The following C7orf78 variants were observed in gnomAD, a reference collection of about 807,000 sequenced individuals.
C7orf78 encodes putative uncharacterized protein C7orf78.
the C7orf78 span, among the ~76,000 whole-genome samples, chr7:12,526,485 T>G: frequency 6.6e-6 from 1 of 152,128 alleles, no homozygotes; most frequent in African/African-American, 2.4e-5. Context: ...ATTTACATAT[T>G]ATAATTATAT....
At chr7:12,530,012 A>ATACTGTCATGACAC in the C7orf78 span, among the ~76,000 whole-genome samples, 1 of 151,898 alleles carries the variant, frequency 6.6e-6, no homozygotes, top group Non-Finnish European at 1.5e-5. Context: ...TGCCACAGCA[A>ATACTGTCATGACAC]TGGTGGGGCT....
chr7:12,539,418 C>T, the C7orf78 span, among the ~76,000 whole-genome samples: 1 of 151,960 alleles, frequency 6.6e-6, no homozygotes, highest in Non-Finnish European at 1.5e-5. Flanking sequence ...GAACCGAGAT[C>T]CCACCACTGC....
At chr7:12,539,920 C>A in the C7orf78 span, among the ~76,000 whole-genome samples, 4 of 152,172 alleles carry the variant, frequency 2.6e-5, no homozygotes, top group Admixed American at 6.5e-5. Flanking sequence ...AGTTTCACTT[C>A]TTGGATACCT....
the C7orf78 span, among the ~76,000 whole-genome samples, chr7:12,518,228 G>A: frequency 2.3e-4 from 35 of 152,314 alleles, no homozygotes; most frequent in Non-Finnish European, 2.6e-4. Context: ...TTGCAGGTAG[G>A]TCAGTCTTCA....
the C7orf78 span, among the ~76,000 whole-genome samples, chr7:12,515,238 G>T: frequency 6.6e-6 from 1 of 152,142 alleles, no homozygotes; most frequent in Non-Finnish European, 1.5e-5. Flanking sequence ...AATCACAGAG[G>T]CAGTTTCCCC....
At chr7:12,531,459 A>C in the C7orf78 span, among the ~76,000 whole-genome samples, 2 of 151,890 alleles carry the variant, frequency 1.3e-5, no homozygotes, top group African/African-American at 4.8e-5. Context: ...AGAGTAATCC[A>C]CCTGTAATTT....
chr7:12,519,842 A>T, the C7orf78 span, among the ~76,000 whole-genome samples: 1 of 152,134 alleles, frequency 6.6e-6, no homozygotes, highest in Non-Finnish European at 1.5e-5. Flanking sequence ...GGTTCCCAGG[A>T]TGTGGAGATG....
At chr7:12,502,570 AAGTC>A in the C7orf78 span, among the ~76,000 whole-genome samples, 1 of 150,208 alleles carries the variant, frequency 6.7e-6, no homozygotes, top group Non-Finnish European at 1.5e-5. Flanking sequence ...AATCATTAAA[AAGTC>A]AGGAAACAAC....
At chr7:12,497,200 T>C in the C7orf78 span, among the ~76,000 whole-genome samples, 1 of 152,028 alleles carries the variant, frequency 6.6e-6, no homozygotes, top group Non-Finnish European at 1.5e-5. Flanking sequence ...AAAATCAAAA[T>C]TATTTATGGC....
At chr7:12,531,049 A>T in the C7orf78 span, 1 of 398,486 alleles carries the variant, frequency 2.5e-6, no homozygotes, top group Non-Finnish European at 4.4e-6. Flanking sequence ...CAGTGCATTT[A>T]TGGATCGTGT....
the C7orf78 span, among the ~76,000 whole-genome samples, chr7:12,524,520 A>G: frequency 1.3e-5 from 2 of 152,172 alleles, no homozygotes; most frequent in Non-Finnish European, 2.9e-5. Flanking sequence ...GAGGGAGGTC[A>G]TTTAAATATT....
chr7:12,487,901 TG>T, the C7orf78 span, among the ~76,000 whole-genome samples: 1 of 152,070 alleles, frequency 6.6e-6, no homozygotes, highest in Non-Finnish European at 1.5e-5. Context: ...CTCTCTAGCA[TG>T]GGAAACACCA....
chr7:12,494,427 G>T, the C7orf78 span, among the ~76,000 whole-genome samples: 2 of 152,200 alleles, frequency 1.3e-5, no homozygotes, highest in Middle Eastern at 3.4e-3. Context: ...GAAGAAGGAG[G>T]TGTCTAACCA....
the C7orf78 span, among the ~76,000 whole-genome samples, chr7:12,513,543 T>C: frequency 6.6e-6 from 1 of 152,206 alleles, no homozygotes; most frequent in African/African-American, 2.4e-5. Context: ...AGTTTCCATG[T>C]ATTTGTATGG....
the C7orf78 span, among the ~76,000 whole-genome samples, chr7:12,515,629 C>A: frequency 6.6e-6 from 1 of 152,140 alleles, no homozygotes; most frequent in South Asian, 2.1e-4. Flanking sequence ...TTGGAAATTC[C>A]TAGAGACTTG....
the C7orf78 span, among the ~76,000 whole-genome samples, chr7:12,513,326 A>G: frequency 6.7e-6 from 1 of 149,384 alleles, no homozygotes; most frequent in Non-Finnish European, 1.5e-5. Context: ...TTTATTTAAA[A>G]TCTTTGTTTT....
At chr7:12,534,262 A>T in the C7orf78 span, among the ~76,000 whole-genome samples, 2 of 152,144 alleles carry the variant, frequency 1.3e-5, no homozygotes, top group Non-Finnish European at 2.9e-5. Context: ...AAATTTAAAA[A>T]TTTTCCGTAA....
the C7orf78 span, among the ~76,000 whole-genome samples, chr7:12,489,897 G>T: frequency 1.3e-5 from 2 of 152,136 alleles, no homozygotes; most frequent in Non-Finnish European, 2.9e-5. Flanking sequence ...TCAATAGCTA[G>T]TGGATGTACA....
chr7:12,489,780 G>A, the C7orf78 span, among the ~76,000 whole-genome samples: 1 of 152,138 alleles, frequency 6.6e-6, no homozygotes, highest in African/African-American at 2.4e-5. Flanking sequence ...AAGAGATATG[G>A]ATAGGACCAA....
Sources: gnomAD v4.1 joint callset for allele counts (sites outside exome capture counted in the v4.1 genomes callset) on GRCh38, gnomAD v4.1.1 for gene constraint, MANE v1.5 for transcripts, NCBI Gene and HGNC (gene_info 2026-07-23, HGNC 2026-07-21) for gene names.